The following AFG2A variants were observed in gnomAD, a reference collection of about 807,000 sequenced individuals.
AFG2A encodes the protein ATPase family gene 2 protein homolog A.
the AFG2A span, among the ~76,000 whole-genome samples, chr4:122,953,983 T>G: frequency 6.6e-6 from 1 of 152,208 alleles, no homozygotes; most frequent in African/African-American, 2.4e-5. Flanking sequence ...TGAAAAGCTC[T>G]TTGTTGGACC....
At chr4:123,016,899 C>G in the AFG2A span, among the ~76,000 whole-genome samples, 2 of 152,194 alleles carry the variant, frequency 1.3e-5, no homozygotes, top group African/African-American at 4.8e-5. Flanking sequence ...GCTGGCGGAT[C>G]ACTCGCAGTT....
At chr4:122,939,481 T>C in the AFG2A span, among the ~76,000 whole-genome samples, 1 of 152,156 alleles carries the variant, frequency 6.6e-6, no homozygotes, top group African/African-American at 2.4e-5. Flanking sequence ...TTTCTAAGAC[T>C]CCTGACATCC....
At chr4:123,083,618 G>A in the AFG2A span, among the ~76,000 whole-genome samples, 1 of 150,474 alleles carries the variant, frequency 6.6e-6, no homozygotes. Flanking sequence ...GCACAAGCTG[G>A]AGTGTAGTGG....
the AFG2A span, among the ~76,000 whole-genome samples, chr4:123,001,640 G>C: frequency 5.9e-5 from 9 of 151,642 alleles, no homozygotes; most frequent in Non-Finnish European, 8.8e-5. Context: ...ATCCTGAGTT[G>C]TAGTTTGATT....
the AFG2A span, among the ~76,000 whole-genome samples, chr4:123,289,675 T>C: frequency 6.6e-6 from 1 of 152,214 alleles, no homozygotes; most frequent in Non-Finnish European, 1.5e-5. Flanking sequence ...CATCAACATC[T>C]GTTGTTTTTC....
chr4:123,000,537 C>T, the AFG2A span, among the ~76,000 whole-genome samples: 6 of 150,228 alleles, frequency 4.0e-5, no homozygotes, highest in Admixed American at 2.7e-4. Flanking sequence ...TTGTCAAAGG[C>T]CTTTTCTGCA....
chr4:123,074,095 A>ATTTTATT, the AFG2A span, among the ~76,000 whole-genome samples: 1 of 102,068 alleles, frequency 9.8e-6, no homozygotes, highest in Admixed American at 1.3e-4. Flanking sequence ...CTCAGATAGT[A>ATTTTATT]TTTTTTTTTT....
chr4:122,988,282 A>G, the AFG2A span, among the ~76,000 whole-genome samples: 58 of 150,832 alleles, frequency 3.8e-4, no homozygotes, highest in Non-Finnish European at 5.8e-4. Flanking sequence ...ATCTATTTGG[A>G]GTTCTTTAGG....
the AFG2A span, among the ~76,000 whole-genome samples, chr4:122,945,959 T>C: frequency 1.3e-5 from 2 of 152,226 alleles, no homozygotes; most frequent in Non-Finnish European, 2.9e-5. Flanking sequence ...TGGTTCTCAG[T>C]CTTGGAACAG....
At chr4:123,309,746 A>G in the AFG2A span, among the ~76,000 whole-genome samples, 1 of 152,198 alleles carries the variant, frequency 6.6e-6, no homozygotes, top group African/African-American at 2.4e-5. Flanking sequence ...TTGGATTTCA[A>G]ATTTTCAGAT....
the AFG2A span, among the ~76,000 whole-genome samples, chr4:123,084,871 T>C: frequency 6.6e-6 from 1 of 152,126 alleles, no homozygotes; most frequent in Non-Finnish European, 1.5e-5. Flanking sequence ...CTTCAAGAAA[T>C]CCTTCCACCT....
At chr4:122,981,979 C>T in the AFG2A span, among the ~76,000 whole-genome samples, 1 of 150,708 alleles carries the variant, frequency 6.6e-6, no homozygotes. Context: ...TTTTTCAATT[C>T]GGATGCTTTT....
At chr4:123,007,245 G>A in the AFG2A span, among the ~76,000 whole-genome samples, 3 of 151,762 alleles carry the variant, frequency 2.0e-5, no homozygotes, top group South Asian at 4.2e-4. Context: ...ATTGAGGTAG[G>A]GCCCTTTTTA....
At chr4:123,256,632 T>A in the AFG2A span, 3 of 894,460 alleles carry the variant, frequency 3.4e-6, no homozygotes, top group Non-Finnish European at 4.0e-6. Flanking sequence ...GCAAACAGAT[T>A]GTATCATTAT....
chr4:123,028,133 G>A, the AFG2A span: 1 of 1,417,876 alleles, frequency 7.1e-7, no homozygotes. Flanking sequence ...TTTTTTTTTA[G>A]TTCTCTGTTT....
the AFG2A span, among the ~76,000 whole-genome samples, chr4:123,049,768 T>C: frequency 2.0e-5 from 3 of 152,060 alleles, no homozygotes; most frequent in Non-Finnish European, 4.4e-5. Flanking sequence ...GTTTCAAAAA[T>C]CAGCTTTTCA....
chr4:123,047,059 G>A, the AFG2A span, among the ~76,000 whole-genome samples: 2 of 152,094 alleles, frequency 1.3e-5, no homozygotes, highest in African/African-American at 2.4e-5. Context: ...AATAGACATA[G>A]GAGTGCAGAT....
At chr4:123,049,672 G>C in the AFG2A span, among the ~76,000 whole-genome samples, 1 of 151,870 alleles carries the variant, frequency 6.6e-6, no homozygotes, top group South Asian at 2.1e-4. Flanking sequence ...AGTATCAGTT[G>C]TAATTTTTTC....
chr4:123,136,321 G>A, the AFG2A span, among the ~76,000 whole-genome samples: 1 of 150,768 alleles, frequency 6.6e-6, no homozygotes, highest in Non-Finnish European at 1.5e-5. Flanking sequence ...ATCACCTGAG[G>A]TCGGGAGTTT....
Sources: allele counts gnomAD v4.1 joint callset (sites outside exome capture counted in the v4.1 genomes callset), GRCh38; gene constraint gnomAD v4.1.1; transcripts MANE v1.5; gene names NCBI Gene and HGNC (gene_info 2026-07-23, HGNC 2026-07-21).